The following DSTN variants were observed in gnomAD, a reference collection of about 807,000 sequenced individuals.
DSTN encodes the protein destrin.
In DSTN, 10 loss-of-function variants were observed where a neutral mutation model predicts 16.8. The ratio of observed to expected loss-of-function variants is 0.60; its 90% CI spans 0.37 to 1.01. The LOEUF is 1.01. Ranked by LOEUF, DSTN falls within the 50% of genes least tolerant of loss-of-function variation. The pLI is 0.01. For missense variants in DSTN, 141 were observed against 196.7 expected (o/e 0.72, Z 1.69); for synonymous variants, 57 against 58.9 (o/e 0.97, Z 0.14).
At chr20:17,603,763 A>G (rs1463427688) in intron 2 of DSTN, among the ~76,000 whole-genome samples, 1 of 152,048 alleles carries the variant, frequency 6.6e-6, no homozygotes, top group East Asian at 1.9e-4. Flanking sequence ...CAGTTAAGAC[A>G]TAATTATTGG....
chr20:17,609,494 G>T lies in DSTN; in HGVS notation c.*2348G>T, dbSNP rs980234804. 1.3e-5 allele frequency: 2 copies of T among 152,268 alleles called. No individual in the cohort carries two copies. Among genetic ancestry groups the T allele is most frequent in the African/African-American group, 4.8e-5 (2 of 41,454 alleles). The allele number at this position is 152,268 out of a possible 1,614,324, so 9.4% of individuals were successfully genotyped here. On this transcript the variant is annotated 3_prime_UTR_variant, in exon 4 of 4. Coordinates refer to ENST00000246069, the MANE Select transcript of DSTN (RefSeq NM_006870.4). ...GTTTTAGAAGGAGATTTTTCCTGTG[G>T]TGTTGGCTTAAGTGTGGCACTGTTG...
At chr20:17,570,443 A>G (rs941421245) in intron 1 of DSTN, among the ~76,000 whole-genome samples, 1 of 152,168 alleles carries the variant, frequency 6.6e-6, no homozygotes, top group Non-Finnish European at 1.5e-5. Context: ...CGCAGCTCCC[A>G]GCTGGGGCGA....
chr20:17,575,137 G>A (rs1007588331), intron 1 of DSTN, among the ~76,000 whole-genome samples: 1 of 151,966 alleles, frequency 6.6e-6, no homozygotes, highest in Non-Finnish European at 1.5e-5. Flanking sequence ...GAGCCATTGT[G>A]CCTAGTGACT....
intron 1 of DSTN, among the ~76,000 whole-genome samples, chr20:17,573,504 A>G (rs1377157665): frequency 6.6e-6 from 1 of 151,880 alleles, no homozygotes; most frequent in African/African-American, 2.4e-5. Context: ...GGCAATTTCC[A>G]TGTCATATAT....
chr20:17,604,759 T>C (rs572802365), intron 3 of DSTN, 128 bp downstream of exon 3: 1 of 844,066 alleles, frequency 1.2e-6, no homozygotes, highest in Non-Finnish European at 1.8e-6. Context: ...TTACTTGTTT[T>C]GAGAAAAGCA....
chr20:17,607,375 T>G lies in DSTN; in HGVS notation c.*229T>G. On this transcript the variant is annotated 3_prime_UTR_variant, in exon 4 of 4. Transcript: ENST00000246069. ...TTGGCCAAATGCCTGTTTTGATGAGTTGATTTATAAAGATTTTTGTTAAGC... is the reference window on the plus strand; with the variant it reads ...TTGGCCAAATGCCTGTTTTGATGAGGTGATTTATAAAGATTTTTGTTAAGC... 4 of 413,618 alleles carry G rather than the reference T, an allele frequency of 9.7e-6. No homozygotes were observed. The highest frequency in any genetic ancestry group is 1.7e-5 in the Non-Finnish European group (4 of 234,488). 25.6% of individuals were successfully genotyped at this position (413,618 alleles called of 1,614,324 possible).
In DSTN at chr20:17,604,571, C is replaced by A; in HGVS notation, c.328C>A (p.Pro110Thr). The A allele has an allele frequency of 1.2e-6, 2 of 1,613,014 alleles. No homozygotes were observed. The highest frequency in any genetic ancestry group is 1.7e-6 in the Non-Finnish European group (2 of 1,179,778). The change falls in exon 3 of 4, where the codon CCT becomes ACT. Residue 110 changes from proline (P) to threonine (T), a missense_variant. Physicochemically the swap from Pro to Thr is conservative, Grantham distance 38. Coordinates refer to ENST00000246069, the MANE Select transcript of DSTN (RefSeq NM_006870.4). ...TCTATCTAGGGCACCAGAACTAGCA[C>A]CTCTGAAAAGTAAAATGATCTATGC... Reference protein sequence around the residue: ...MFFLWAPELAPLKSKMIYASS... With the variant: ...MFFLWAPELATLKSKMIYASS...
chr20:17,576,833 C>G (rs1357631177), intron 1 of DSTN, among the ~76,000 whole-genome samples: 1 of 152,176 alleles, frequency 6.6e-6, no homozygotes, highest in Admixed American at 6.5e-5. Flanking sequence ...TCTATCTTGG[C>G]TTGCTTTCAG....
intron 1 of DSTN, among the ~76,000 whole-genome samples, chr20:17,572,167 G>A (rs2035214294): frequency 6.6e-6 from 1 of 152,070 alleles, no homozygotes; most frequent in Non-Finnish European, 1.5e-5. Flanking sequence ...TAAATTAGCA[G>A]AATCACTTCC....
At chr20:17,602,912 C>T (rs887468877) in intron 2 of DSTN, among the ~76,000 whole-genome samples, 2 of 152,064 alleles carry the variant, frequency 1.3e-5, no homozygotes, top group African/African-American at 2.4e-5. Flanking sequence ...TCCAGCTACT[C>T]GGGAGGCTGA....
intron 1 of DSTN, among the ~76,000 whole-genome samples, chr20:17,587,831 A>G (rs2035427609): frequency 6.6e-6 from 1 of 152,228 alleles, no homozygotes; most frequent in Non-Finnish European, 1.5e-5. Flanking sequence ...TGGTATTAAC[A>G]GAGTTAATTT....
chr20:17,598,857 T>C (rs1296105165), intron 1 of DSTN, among the ~76,000 whole-genome samples: 1 of 152,122 alleles, frequency 6.6e-6, no homozygotes, highest in Non-Finnish European at 1.5e-5. Flanking sequence ...CCTCTCCCTC[T>C]AAAGTGCTGA....
At chr20:17,589,717 C>T (rs2035450014) in intron 1 of DSTN, among the ~76,000 whole-genome samples, 1 of 152,158 alleles carries the variant, frequency 6.6e-6, no homozygotes. Context: ...AAAGTAGAAT[C>T]GTGAACCCAG....
chr20:17,603,014 C>T lies in DSTN; in HGVS notation c.312-1541C>T, dbSNP rs548659054. Among the ~76,000 whole-genome samples, 9 of 151,908 alleles carry T rather than the reference C, an allele frequency of 5.9e-5. No homozygotes were observed. The South Asian group carries it at 6.2e-4, about 11-fold the overall frequency. On this transcript the variant is annotated intron_variant, in intron 2 of 3. Coordinates refer to ENST00000246069, the MANE Select transcript of DSTN (RefSeq NM_006870.4). ...CAGCCTGGGTGACAGAGCGAGACTC[C>T]GCCTCAAAAAAATAAAAAATAAAAA...
At chr20:17,582,193 C>T (rs1214268881) in intron 1 of DSTN, among the ~76,000 whole-genome samples, 1 of 151,600 alleles carries the variant, frequency 6.6e-6, no homozygotes, top group Non-Finnish European at 1.5e-5. Context: ...ATTCTCCTGC[C>T]TCAGTCTTCT....
In DSTN at chr20:17,609,132, C is replaced by G. The variant is rs531227685; in HGVS notation, c.*1986C>G. 5.9e-5 allele frequency: 9 copies of G among 152,310 alleles called. No individual in the cohort carries two copies. Among genetic ancestry groups the G allele is most frequent in the African/African-American group, 1.9e-4 (8 of 41,570 alleles). 9.4% of individuals were successfully genotyped at this position (152,310 alleles called of 1,614,324 possible). A position where few individuals can be genotyped will look rare whatever the true frequency, so the allele number is the denominator to read the frequency against. On this transcript the variant is annotated 3_prime_UTR_variant, in exon 4 of 4. Transcript: ENST00000246069. ...TTTAATCAAAATATTTTGGAATTGTCTAGAAAATAGTGCTGGCTGCTTGTC... is the reference window on the plus strand; with the variant it reads ...TTTAATCAAAATATTTTGGAATTGTGTAGAAAATAGTGCTGGCTGCTTGTC...
chr20:17,570,294 G>T lies in DSTN; in HGVS notation c.3+83G>T, dbSNP rs2035182752. 8.6e-6 allele frequency: 12 copies of T among 1,388,206 alleles called. 1 individual carries two copies. In the South Asian group the frequency reaches 1.6e-4, roughly 18 times the overall value. 86.0% of individuals were successfully genotyped at this position (1,388,206 alleles called of 1,614,324 possible). Reference sequence around the variant, plus strand: ...GGGCGCCGCGGAGTCGGGGCTAAGGGGGTGAGCCGTGCCTCAGCCCGGGGA... The same window carrying T: ...GGGCGCCGCGGAGTCGGGGCTAAGGTGGTGAGCCGTGCCTCAGCCCGGGGA... On this transcript the variant is annotated intron_variant, in intron 1 of 3. Transcript: ENST00000246069.
At position 17,570,123 on chromosome 20, in the gene DSTN, C is replaced by A; in HGVS notation, c.-86C>A. 1.3e-6 allele frequency: 2 copies of A among 1,505,398 alleles called. No homozygotes were observed. The highest frequency in any genetic ancestry group is 1.2e-5 in the South Asian group (1 of 82,028). The allele number at this position is 1,505,398 out of a possible 1,614,324, so 93.3% of individuals were successfully genotyped here. On this transcript the variant is annotated 5_prime_UTR_variant, in exon 1 of 4. Coordinates refer to ENST00000246069, the MANE Select transcript of DSTN (RefSeq NM_006870.4). Reference sequence around the variant, plus strand: ...CGCGTCAGCTCAGCGCTGGGTCTCTCGGTCCCGCAGCCGTGAGGAGGACGG... The same window carrying A: ...CGCGTCAGCTCAGCGCTGGGTCTCTAGGTCCCGCAGCCGTGAGGAGGACGG...
In DSTN at chr20:17,608,720, T is replaced by C. The variant is rs540750527; in HGVS notation, c.*1574T>C. ...TATTACACTATAAGTGTAATAAATATTATACAAAATTATAAATTCACATTT... is the reference window on the plus strand; with the variant it reads ...TATTACACTATAAGTGTAATAAATACTATACAAAATTATAAATTCACATTT... On this transcript the variant is annotated 3_prime_UTR_variant, in exon 4 of 4. Transcript: ENST00000246069. The C allele has an allele frequency of 1.7e-4, 26 of 152,078 alleles. No individual in the cohort carries two copies. Among genetic ancestry groups the C allele is most frequent in the African/African-American group, 4.8e-4 (20 of 41,458 alleles). The allele number at this position is 152,078 out of a possible 1,614,324, so 9.4% of individuals were successfully genotyped here. A position where few individuals can be genotyped will look rare whatever the true frequency, so the allele number is the denominator to read the frequency against.
Sources: gnomAD v4.1 joint callset for allele counts (sites outside exome capture counted in the v4.1 genomes callset) on GRCh38, gnomAD v4.1.1 for gene constraint, MANE v1.5 for transcripts, NCBI Gene and HGNC (gene_info 2026-07-23, HGNC 2026-07-21) for gene names.